RBFOX1: variants seen among roughly 807,000 people sequenced by gnomAD.
The protein encoded by RBFOX1 is RNA binding fox-1 homolog 1.
In RBFOX1, 8 loss-of-function variants were observed where a neutral mutation model predicts 57.7. The ratio of observed to expected loss-of-function variants is 0.14; its 90% CI spans 0.08 to 0.25. The LOEUF (loss-of-function observed/expected upper bound fraction) is 0.25, where lower values mean the gene tolerates loss of function less well. Among genes scored for constraint, RBFOX1 ranks in the 10% least tolerant of loss-of-function variants. RBFOX1 has a pLI of 1.00. For synonymous variants in RBFOX1, 326 were observed against 222.4 expected, an observed-to-expected ratio of 1.47 and a Z score of -4.15; for missense variants, 611 against 548.5, an observed-to-expected ratio of 1.11 and a Z score of -1.14.
intron 3 of RBFOX1, among the ~76,000 whole-genome samples, chr16:5,831,499 T>TATTATC (rs1205482972): frequency 5.4e-5 from 8 of 149,014 alleles, no homozygotes; most frequent in Non-Finnish European, 1.0e-4. Flanking sequence ...TTATTATTAT[T>TATTATC]ATTATTATTT....
chr16:5,517,536 A>G lies in RBFOX1; in HGVS notation c.258+50282A>G, dbSNP rs541445258. 8.5e-5 allele frequency among the ~76,000 whole-genome samples: 13 copies of G among 152,256 alleles called. No homozygotes were observed. The East Asian group carries it at 1.7e-3, about 20-fold the overall frequency. ...AATTTTATTGGACCAGATTTGCACA[A>G]TTGTCCAACCCTGGTCCAGTCCACT... On this transcript the variant is annotated intron_variant, in intron 2 of 2. Transcript: ENST00000585867.
intron 1 of RBFOX1, among the ~76,000 whole-genome samples, chr16:6,047,785 G>C (rs892515775): frequency 2.6e-5 from 4 of 152,130 alleles, no homozygotes; most frequent in Non-Finnish European, 5.9e-5. Context: ...TTCACTCATT[G>C]ACTAATTCCA....
At chr16:7,335,167 C>T (rs961744077) in intron 4 of RBFOX1, among the ~76,000 whole-genome samples, 2 of 152,218 alleles carry the variant, frequency 1.3e-5, no homozygotes, top group East Asian at 1.9e-4. Context: ...GTATCACTCA[C>T]AGATGCTCAG....
In RBFOX1 at chr16:7,676,833, T is replaced by C; in HGVS notation, c.990T>C (p.Ser330=). 6.2e-7 allele frequency: 1 copy of C among 1,612,546 alleles called. No individual in the cohort carries two copies. Among genetic ancestry groups the C allele is most frequent in the Non-Finnish European group, 8.5e-7 (1 of 1,178,664 alleles). Residue 330 remains serine (S), a synonymous_variant, in exon 14 of 16, where the codon AGT becomes AGC. Coordinates refer to ENST00000550418, the MANE Select transcript of RBFOX1 (RefSeq NM_018723.4). The part of the protein sequence containing the change: ...QPTPATAAAY[S]DSYGRVYAAD... ...CCCCTGCCACTGCCGCTGCCTACAG[T>C]GACAGGTAAGGGTCATCCTTCTTGT...
At chr16:5,717,557 T>A (rs1176458737) in intron 3 of RBFOX1, among the ~76,000 whole-genome samples, 1 of 152,174 alleles carries the variant, frequency 6.6e-6, no homozygotes, top group Admixed American at 6.5e-5. Context: ...TATGCTTTTG[T>A]ATCCTCATAG....
chr16:7,550,674 C>G (rs1477195899), intron 5 of RBFOX1, among the ~76,000 whole-genome samples: 1 of 152,132 alleles, frequency 6.6e-6, no homozygotes, highest in African/African-American at 2.4e-5. Context: ...TACTATGCCT[C>G]TGGACGAATA....
At chr16:7,193,841 G>C (rs1177806951) in intron 4 of RBFOX1, among the ~76,000 whole-genome samples, 1 of 152,280 alleles carries the variant, frequency 6.6e-6, no homozygotes, top group South Asian at 2.1e-4. Context: ...AAAATGATCA[G>C]ACATGTCACA....
At chr16:5,937,019 C>T (rs1442846205) in intron 4 of RBFOX1, among the ~76,000 whole-genome samples, 1 of 152,120 alleles carries the variant, frequency 6.6e-6, no homozygotes, top group African/African-American at 2.4e-5. Context: ...ATCTCTGAGC[C>T]TTAGTTTTCT....
chr16:7,166,775 T>C (rs2079589855), intron 4 of RBFOX1, among the ~76,000 whole-genome samples: 1 of 151,954 alleles, frequency 6.6e-6, no homozygotes, highest in Non-Finnish European at 1.5e-5. Flanking sequence ...ACTGGGTGGA[T>C]ACAGGACAGA....
rs370041291 is a variant in RBFOX1 at position 5,632,214 on chromosome 16, A to G, written c.318+33253A>G. Among the ~76,000 whole-genome samples, 167 of 152,334 alleles carry G rather than the reference A, an allele frequency of 1.1e-3. 5 individuals are homozygous for G. The South Asian group carries it at 0.034, about 31-fold the overall frequency. On this transcript the variant is annotated intron_variant, in intron 3 of 19. Coordinates refer to the RBFOX1 transcript ENST00000641259. Reference sequence around the variant, plus strand: ...ATACTAAAAATAATTATTATTCTGTATTAGAGACGATGTCATGAGACAACT... The same window carrying G: ...ATACTAAAAATAATTATTATTCTGTGTTAGAGACGATGTCATGAGACAACT...
At chr16:5,359,255 G>C (rs2065476853) in intron 1 of RBFOX1, among the ~76,000 whole-genome samples, 1 of 152,152 alleles carries the variant, frequency 6.6e-6, no homozygotes, top group African/African-American at 2.4e-5. Context: ...TGGCTATTGG[G>C]AACAGTGCTG....
chr16:7,016,816 G>C (rs1198570604), intron 3 of RBFOX1, among the ~76,000 whole-genome samples: 1 of 152,146 alleles, frequency 6.6e-6, no homozygotes, highest in East Asian at 1.9e-4. Flanking sequence ...CGCCAGGTGA[G>C]GTTATTGTGA....
At chr16:7,119,234 A>G (rs1288830267) in intron 4 of RBFOX1, among the ~76,000 whole-genome samples, 4 of 152,066 alleles carry the variant, frequency 2.6e-5, no homozygotes, top group Admixed American at 1.3e-4. Context: ...CAAGGCAGTA[A>G]TTTTTTTGTG....
chr16:7,400,696 G>T (rs897394204), intron 4 of RBFOX1, among the ~76,000 whole-genome samples: 1 of 152,154 alleles, frequency 6.6e-6, no homozygotes, highest in South Asian at 2.1e-4. Context: ...CACAGAGCTA[G>T]GGGAGGAAAA....
intron 3 of RBFOX1, among the ~76,000 whole-genome samples, chr16:5,654,734 C>G (rs1176317688): frequency 6.6e-6 from 1 of 152,176 alleles, no homozygotes; most frequent in Admixed American, 6.5e-5. Context: ...GCTCCTCCTC[C>G]TGCAGCCTTT....
intron 2 of RBFOX1, among the ~76,000 whole-genome samples, chr16:6,606,140 T>A (rs886584936): frequency 6.6e-6 from 1 of 152,068 alleles, no homozygotes; most frequent in African/African-American, 2.4e-5. Flanking sequence ...ATACATCTTA[T>A]AATGCTGAAT....
intron 1 of RBFOX1, among the ~76,000 whole-genome samples, chr16:5,256,041 C>T (rs1386330192): frequency 1.3e-5 from 2 of 151,998 alleles, no homozygotes; most frequent in East Asian, 3.9e-4. Context: ...TTATTCTTGG[C>T]AGATGCTGCA....
intron 2 of RBFOX1, among the ~76,000 whole-genome samples, chr16:6,364,262 G>T (rs1200950767): frequency 6.6e-6 from 1 of 152,182 alleles, no homozygotes; most frequent in East Asian, 1.9e-4. Context: ...CCCTTTACCT[G>T]ATTAAAGCTG....
chr16:5,476,803 G>A (rs1366078524), intron 2 of RBFOX1, among the ~76,000 whole-genome samples: 1 of 152,078 alleles, frequency 6.6e-6, no homozygotes, highest in Non-Finnish European at 1.5e-5. Context: ...TATTTTCTGG[G>A]CAGAAATCCT....
Sources: allele counts gnomAD v4.1 joint callset (sites outside exome capture counted in the v4.1 genomes callset), GRCh38; gene constraint gnomAD v4.1.1; transcripts MANE v1.5; gene names NCBI Gene and HGNC (gene_info 2026-07-23, HGNC 2026-07-21).